Variants in TG observed in about 807,000 individuals in gnomAD.
TG encodes thyroglobulin, also known as thyroid hormones.
In TG, 270 loss-of-function variants were observed where a neutral mutation model predicts 324.7. That is an observed-to-expected ratio of 0.83 (90% confidence interval 0.75 to 0.92). The LOEUF (loss-of-function observed/expected upper bound fraction) is 0.92, where lower values mean the gene tolerates loss of function less well. Among genes scored for constraint, TG ranks in the 40% least tolerant of loss-of-function variants. The pLI is 0.00. For synonymous variants in TG, 1,401 were observed against 1,327.0 expected (o/e 1.06, Z -1.21); for missense variants, 3,591 against 3,456.4 (o/e 1.04, Z -0.98).
intron 41 of TG, among the ~76,000 whole-genome samples, chr8:133,070,362 C>T (rs1414960378): frequency 6.6e-6 from 1 of 152,200 alleles, no homozygotes; most frequent in Admixed American, 6.5e-5. Context: ...CAGTTGCCCA[C>T]AGGCCTCTCT....
intron 41 of TG, among the ~76,000 whole-genome samples, chr8:133,073,502 C>T (rs1293178159): frequency 6.6e-6 from 1 of 152,144 alleles, no homozygotes; most frequent in Non-Finnish European, 1.5e-5. Flanking sequence ...GCTGGGATTA[C>T]AGGCACCCGC....
chr8:133,005,348 G>A (rs988969662), intron 35 of TG, among the ~76,000 whole-genome samples: 1 of 152,126 alleles, frequency 6.6e-6, no homozygotes, highest in Non-Finnish European at 1.5e-5. Context: ...ATGTTTGGTG[G>A]GGACATAACT....
rs114452431 is a variant in TG, at chr8:132,897,714, C to T, written c.3067C>T (p.Arg1023Trp). The T allele has an allele frequency of 2.7e-5, 44 of 1,614,214 alleles. No individual in the cohort carries two copies. Among genetic ancestry groups the T allele is most frequent in the African/African-American group, 2.3e-4 (17 of 75,060 alleles). ...CTCGGCTGGAGCATCCGCCCTTCTG[C>T]GGTCGGGCCCCTACATGCCACAGTG... ...DDSAGASALLRSGPYMPQCDA... is the reference protein window; with the variant it reads ...DDSAGASALLWSGPYMPQCDA... Residue 1023 changes from arginine to tryptophan, a missense_variant, in exon 12 of 48, where the codon CGG becomes TGG. Arg to Trp is a moderately radical substitution (Grantham distance 101). Transcript: ENST00000220616.
chr8:132,914,055 C>G (rs1819933348), intron 20 of TG, among the ~76,000 whole-genome samples: 2 of 152,222 alleles, frequency 1.3e-5, no homozygotes, highest in South Asian at 4.1e-4. Flanking sequence ...GTCACATCTC[C>G]TCTGACTCTC....
intron 26 of TG, among the ~76,000 whole-genome samples, chr8:132,942,073 G>C (rs1211952374): frequency 6.6e-6 from 1 of 152,182 alleles, no homozygotes; most frequent in East Asian, 1.9e-4. Flanking sequence ...TAGTATCTCA[G>C]CAATGGAGGT....
At chr8:132,898,329 G>A (rs1817420865) in intron 13 of TG, 83 bp downstream of exon 13, 2 of 1,343,010 alleles carry the variant, frequency 1.5e-6, no homozygotes, top group East Asian at 2.5e-5. Context: ...CCTAACCGCT[G>A]GAGACTCCAT....
At chr8:133,100,732 G>A (rs1849111647) in intron 43 of TG, among the ~76,000 whole-genome samples, 1 of 152,088 alleles carries the variant, frequency 6.6e-6, no homozygotes, top group Non-Finnish European at 1.5e-5. Context: ...CGGTATGCTG[G>A]GTACTGAAAT....
intron 40 of TG, among the ~76,000 whole-genome samples, chr8:133,022,626 T>G (rs996494336): frequency 6.6e-6 from 1 of 152,224 alleles, no homozygotes; most frequent in African/African-American, 2.4e-5. Context: ...CTTTTAATAC[T>G]GGCCTCACTT....
At chr8:132,934,285 A>G (rs996985522) in intron 24 of TG, among the ~76,000 whole-genome samples, 1 of 152,152 alleles carries the variant, frequency 6.6e-6, no homozygotes, top group Admixed American at 6.5e-5. Flanking sequence ...CAGTGAGCTG[A>G]GATCACGCCA....
At chr8:132,964,540 T>G (rs916105400) in intron 29 of TG, 3 of 208,862 alleles carry the variant, frequency 1.4e-5, no homozygotes, top group Admixed American at 5.8e-5. Flanking sequence ...CCTTTGTGTA[T>G]CAGGTTACTC....
chr8:133,112,496 C>T (rs541541896), intron 43 of TG, among the ~76,000 whole-genome samples: 1 of 149,724 alleles, frequency 6.7e-6, no homozygotes, highest in East Asian at 2.0e-4. Flanking sequence ...ACAGCAGCAA[C>T]ACCAGAACAA....
Position 132,887,066 on chromosome 8 carries a change from T to C in TG, c.1694T>C (p.Leu565Pro). 1 of 1,614,220 alleles carries C rather than the reference T, an allele frequency of 6.2e-7. No homozygotes were observed. The highest frequency in any genetic ancestry group is 8.5e-7 in the Non-Finnish European group (1 of 1,180,028). ...EINLQENQNA[L>P]KFLASLLELP... ...AACCTACAAGAGAACCAAAATGCCC[T>C]CAAATTCCTTGCTTCTCTCCTGGAG... Residue 565 changes from leucine (L) to proline (P), a missense_variant, in exon 9 of 48, where the codon CTC becomes CCC. Physicochemically the swap from Leu to Pro is moderately conservative, Grantham distance 98. Coordinates refer to ENST00000220616, the MANE Select transcript of TG (RefSeq NM_003235.5).
rs750818621 is a variant in TG, at chr8:132,901,576, G to T, written c.3634+23G>T. On this transcript the variant is annotated intron_variant, in intron 16 of 47. Transcript: ENST00000220616. Reference sequence around the variant, plus strand: ...AGAGTAAGTCATGACCCCCTGGGGGGACGACGAGGCCTGCATATCTGTTCT... The same window carrying T: ...AGAGTAAGTCATGACCCCCTGGGGGTACGACGAGGCCTGCATATCTGTTCT... The T allele has an allele frequency of 2.5e-6, 4 of 1,606,336 alleles. No homozygotes were observed. The South Asian group carries it at 4.4e-5, about 18-fold the overall frequency.
At chr8:133,057,322 T>G (rs1011229719) in intron 41 of TG, among the ~76,000 whole-genome samples, 2 of 152,140 alleles carry the variant, frequency 1.3e-5, no homozygotes, top group Non-Finnish European at 2.9e-5. Flanking sequence ...TATTAAAAAA[T>G]CCTGTACTGC....
intron 24 of TG, among the ~76,000 whole-genome samples, chr8:132,934,250 G>A (rs1313878558): frequency 2.0e-5 from 3 of 152,074 alleles, no homozygotes; most frequent in Admixed American, 1.3e-4. Context: ...CAGGAGAATC[G>A]CTTGAACCCG....
intron 34 of TG, among the ~76,000 whole-genome samples, chr8:132,980,768 A>T (rs1270275913): frequency 2.6e-5 from 4 of 152,076 alleles, no homozygotes; most frequent in Non-Finnish European, 1.5e-5. Context: ...AGGGTTGAAG[A>T]ATTGGTTGGT....
At chr8:133,116,744 G>A (rs1286909460) in intron 45 of TG, 28 bp downstream of exon 45, 2 of 1,597,788 alleles carry the variant, frequency 1.3e-6, no homozygotes, top group African/African-American at 2.7e-5. Context: ...AGCAGAGAAA[G>A]GAAGGTAAAA....
At chr8:132,872,967 C>T (rs1046605196) in intron 4 of TG, 95 bp from the exon 5 acceptor site, 9 of 1,320,448 alleles carry the variant, frequency 6.8e-6, no homozygotes, top group Non-Finnish European at 9.7e-6. Flanking sequence ...CAGAGCTCAT[C>T]CCCATTGCTA....
chr8:132,913,325 C>A, intron 20 of TG, 60 bp downstream of exon 20: 1 of 1,530,742 alleles, frequency 6.5e-7, no homozygotes, highest in Non-Finnish European at 9.0e-7. Flanking sequence ...TAGGAAAGGC[C>A]ACCTCAGCAC....
Sources: gnomAD v4.1 joint callset for allele counts (sites outside exome capture counted in the v4.1 genomes callset) on GRCh38, gnomAD v4.1.1 for gene constraint, MANE v1.5 for transcripts, NCBI Gene and HGNC (gene_info 2026-07-23, HGNC 2026-07-21) for gene names.